Variants in CADM1 observed in about 807,000 individuals in gnomAD.
CADM1 encodes TSLC-1.
Under a neutral mutation model 53.1 loss-of-function variants are expected in CADM1, and 15 were observed. The ratio of observed to expected loss-of-function variants is 0.28; its 90% CI spans 0.19 to 0.44. CADM1 has a LOEUF of 0.44. CADM1 is among the 20% of genes least tolerant of loss of function. CADM1 has a pLI of 1.00. For missense variants in CADM1, 434 were observed against 611.3 expected (o/e 0.71, Z 3.06); for synonymous variants, 281 against 243.0 (o/e 1.16, Z -1.45).
In CADM1 at chr11:115,203,139, G is replaced by T. The variant is rs564213769; in HGVS notation, c.1079-4701C>A. Among the ~76,000 whole-genome samples the T allele has an allele frequency of 1.3e-4, 20 of 150,008 alleles. No individual in the cohort carries two copies. In the East Asian group the frequency reaches 4.2e-3, roughly 32 times the overall value. On this transcript the variant is annotated intron_variant, in intron 8 of 11. Coordinates refer to ENST00000331581, the MANE Select transcript of CADM1 (RefSeq NM_001301043.2). ...TGTGTGCTACAGAACAGCAGCAACG[G>T]GGGATGATTTTTTTTTTTGGATAAG... is the stretch of plus-strand genomic sequence containing the variant.
chr11:115,205,480 C>G (rs1428744998), intron 8 of CADM1, among the ~76,000 whole-genome samples: 2 of 152,198 alleles, frequency 1.3e-5, no homozygotes, highest in Non-Finnish European at 2.9e-5. Flanking sequence ...CTCCCGCCAC[C>G]CCAGCATGGC....
intron 1 of CADM1, among the ~76,000 whole-genome samples, chr11:115,381,939 G>A (rs375287512): frequency 2.6e-5 from 4 of 152,048 alleles, no homozygotes; most frequent in East Asian, 1.9e-4. Context: ...TCTGCCTCCC[G>A]GGTTCAAGCC....
chr11:115,400,691 A>ATATATATATG (rs1565407710), intron 1 of CADM1, among the ~76,000 whole-genome samples: 1 of 104,698 alleles, frequency 9.6e-6, no homozygotes, highest in African/African-American at 3.6e-5. Context: ...ATATATATAT[A>ATATATATATG]TATATATATA....
chr11:115,202,912 G>A (rs1289611886), intron 8 of CADM1, among the ~76,000 whole-genome samples: 2 of 150,736 alleles, frequency 1.3e-5, no homozygotes, highest in South Asian at 2.1e-4. Context: ...AATAACTGCT[G>A]GAAAATTAAA....
intron 1 of CADM1, among the ~76,000 whole-genome samples, chr11:115,481,443 C>T (rs1949255728): frequency 6.6e-6 from 1 of 152,176 alleles, no homozygotes; most frequent in Non-Finnish European, 1.5e-5. Context: ...TCATCTTCTT[C>T]TGCCTACCTT....
intron 1 of CADM1, among the ~76,000 whole-genome samples, chr11:115,460,896 G>A (rs1220447385): frequency 1.3e-5 from 2 of 151,954 alleles, no homozygotes; most frequent in African/African-American, 2.4e-5. Flanking sequence ...TTTCAAGTAC[G>A]GATTAATTTA....
chr11:115,287,597 T>A (rs1228624876), intron 1 of CADM1: 1 of 152,226 alleles, frequency 6.6e-6, no homozygotes, highest in Non-Finnish European at 1.5e-5. Flanking sequence ...GCATCAGTTT[T>A]GCTTAACAGT....
chr11:115,404,051 C>G (rs548311094), intron 1 of CADM1, among the ~76,000 whole-genome samples: 1 of 150,678 alleles, frequency 6.6e-6, no homozygotes, highest in East Asian at 2.0e-4. Flanking sequence ...TTAGGCTGGG[C>G]ACAGTTGCTC....
At chr11:115,271,278 T>G (rs993763605) in intron 1 of CADM1, among the ~76,000 whole-genome samples, 5 of 142,652 alleles carry the variant, frequency 3.5e-5, no homozygotes, top group South Asian at 2.1e-4. Context: ...TGTTGTTGTT[T>G]TGTTGTTGTT....
At chr11:115,442,210 A>T (rs1296461782) in intron 1 of CADM1, among the ~76,000 whole-genome samples, 1 of 151,938 alleles carries the variant, frequency 6.6e-6, no homozygotes. Context: ...AAGGCAAGGG[A>T]CCAATGAGTG....
intron 1 of CADM1, among the ~76,000 whole-genome samples, chr11:115,333,925 G>T (rs1847276325): frequency 6.6e-6 from 1 of 152,052 alleles, no homozygotes; most frequent in African/African-American, 2.4e-5. Context: ...TGACCAGTGG[G>T]CCTTCATTCT....
At chr11:115,256,212 T>A (rs563334758) in intron 1 of CADM1, among the ~76,000 whole-genome samples, 1 of 152,208 alleles carries the variant, frequency 6.6e-6, no homozygotes, top group South Asian at 2.1e-4. Flanking sequence ...ATAAAAGCTA[T>A]CTTACCCATT....
chr11:115,288,198 C>A (rs909960879), intron 1 of CADM1, among the ~76,000 whole-genome samples: 1 of 152,118 alleles, frequency 6.6e-6, no homozygotes, highest in African/African-American at 2.4e-5. Context: ...GTTCCAGAAA[C>A]AGCAAGGAAG....
chr11:115,354,539 A>G lies in CADM1; in HGVS notation c.125-114119T>C, dbSNP rs575599336. On this transcript the variant is annotated intron_variant, in intron 1 of 11. Coordinates refer to ENST00000331581, the MANE Select transcript of CADM1 (RefSeq NM_001301043.2). ...GACGGACCCTTCTACTAGGACAGCC[A>G]ACAACTGCTTAAAGCCCTGATGGGA... Among the ~76,000 whole-genome samples, 125 of 152,306 alleles carry G rather than the reference A, an allele frequency of 8.2e-4. 1 individual carries two copies. Among genetic ancestry groups the G allele is most frequent in the South Asian group, 6.8e-3 (33 of 4,826 alleles).
intron 1 of CADM1, among the ~76,000 whole-genome samples, chr11:115,451,256 G>A (rs1948565292): frequency 6.6e-6 from 1 of 152,192 alleles, no homozygotes; most frequent in Non-Finnish European, 1.5e-5. Context: ...ATCAAGACCT[G>A]AAAGAAGCCT....
At chr11:115,337,011 T>C (rs1034322088) in intron 1 of CADM1, among the ~76,000 whole-genome samples, 2 of 152,206 alleles carry the variant, frequency 1.3e-5, no homozygotes, top group African/African-American at 4.8e-5. Context: ...ATTAACCTTA[T>C]CACCATTTTA....
chr11:115,179,007 G>A (rs17118046), intron 10 of CADM1: 20,989 of 551,624 alleles, frequency 0.038, 621 homozygotes, highest in Admixed American at 0.1. Flanking sequence ...GAGGGTTAAT[G>A]CATGTGGAAC....
Position 115,174,455 on chromosome 11 carries a change from G to C in CADM1, c.*2019C>G. ...CATTGAAAAAGGGATGTTCATTGTG[G>C]CTTTTTGTCTTGGTTAAGTGCCTAG... On this transcript the variant is annotated 3_prime_UTR_variant, in exon 12 of 12. Coordinates refer to ENST00000331581, the MANE Select transcript of CADM1 (RefSeq NM_001301043.2). The C allele has an allele frequency of 7.1e-6, 7 of 985,678 alleles. No homozygotes were observed. Among genetic ancestry groups the C allele is most frequent in the South Asian group, 9.4e-5 (2 of 21,276 alleles). 61.1% of individuals were successfully genotyped at this position (985,678 alleles called of 1,614,324 possible).
chr11:115,317,224 T>C (rs889059149), intron 1 of CADM1, among the ~76,000 whole-genome samples: 3 of 152,184 alleles, frequency 2.0e-5, no homozygotes, highest in African/African-American at 7.2e-5. Flanking sequence ...CAATTGCCCC[T>C]GCAGCCTTGC....
Sources: allele counts gnomAD v4.1 joint callset (sites outside exome capture counted in the v4.1 genomes callset), GRCh38; gene constraint gnomAD v4.1.1; transcripts MANE v1.5; gene names NCBI Gene and HGNC (gene_info 2026-07-23, HGNC 2026-07-21).